Variants in INPP5K observed in about 807,000 individuals in gnomAD.
INPP5K encodes the protein inositol polyphosphate 5-phosphatase K.
In INPP5K, 35 loss-of-function variants were observed where a neutral mutation model predicts 53.5. That is an observed-to-expected ratio of 0.65 (90% CI 0.50 to 0.87). The LOEUF is 0.87. Ranked by LOEUF, INPP5K falls within the 40% of genes least tolerant of loss-of-function variation. The pLI is 0.00. For missense variants in INPP5K, 550 were observed against 586.2 expected (o/e 0.94, Z 0.64); for synonymous variants, 253 against 232.8 (o/e 1.09, Z -0.79).
At chr17:1,504,466 G>A (rs2075107178) in intron 7 of INPP5K, among the ~76,000 whole-genome samples, 1 of 152,242 alleles carries the variant, frequency 6.6e-6, no homozygotes, top group African/African-American at 2.4e-5. Context: ...CCTGGATCCT[G>A]GCCCCAGCCA....
intron 7 of INPP5K, among the ~76,000 whole-genome samples, chr17:1,502,152 A>G (rs539608700): frequency 9.9e-5 from 15 of 151,872 alleles, no homozygotes; most frequent in African/African-American, 2.2e-4. Context: ...CATGGAGACC[A>G]TCCTGGCTAA....
Position 1,496,135 on chromosome 17 carries a change from G to A in INPP5K, c.1215C>T (p.Thr405=), listed in dbSNP as rs149432814. 9.3e-5 allele frequency: 150 copies of A among 1,612,874 alleles called. No homozygotes were observed. In the African/African-American group the frequency reaches 1.9e-3, roughly 20 times the overall value. The change falls in exon 11 of 12, where the codon ACC becomes ACT. Residue 405 remains threonine (T), a synonymous_variant. Transcript: ENST00000421807. ...QVYIDISNIP[T]TEDEFLLCYY... is the part of the protein sequence containing the mutation. Reference sequence around the variant, plus strand: ...AACAGAGGAGAAACTCATCTTCAGTGGTAGGGATATTGCTGATGTCGATGT... The same window carrying A: ...AACAGAGGAGAAACTCATCTTCAGTAGTAGGGATATTGCTGATGTCGATGT...
rs551369330 is a variant in INPP5K, at chr17:1,515,484, C to G, written c.44+972G>C. 6 of 985,426 alleles carry G rather than the reference C, an allele frequency of 6.1e-6. No individual in the cohort carries two copies. The African/African-American group carries it at 7.0e-5, about 11-fold the overall frequency. The allele number at this position is 985,426 out of a possible 1,614,324, so 61.0% of individuals were successfully genotyped here. A position where few individuals can be genotyped will look rare whatever the true frequency, so the allele number is the denominator to read the frequency against. On this transcript the variant is annotated intron_variant, in intron 1 of 11. Transcript: ENST00000421807. ...GCTCTTCAAGAAGCCTCAGACTGTG[C>G]GGAGCACAGAGCGGGCAGGAGCTAC... is the stretch of plus-strand genomic sequence containing the variant.
At chr17:1,497,351 G>T (rs2074882729) in intron 8 of INPP5K, among the ~76,000 whole-genome samples, 1 of 152,156 alleles carries the variant, frequency 6.6e-6, no homozygotes, top group African/African-American at 2.4e-5. Flanking sequence ...TGCACCTGTA[G>T]TCCCGCTACT....
At chr17:1,505,920 G>A (rs950579911) in intron 7 of INPP5K, among the ~76,000 whole-genome samples, 4 of 152,228 alleles carry the variant, frequency 2.6e-5, no homozygotes, top group Non-Finnish European at 5.9e-5. Context: ...TCAGGGACAT[G>A]TTGCCAGTGG....
At chr17:1,505,190 A>G (rs944180609) in intron 7 of INPP5K, among the ~76,000 whole-genome samples, 22 of 152,100 alleles carry the variant, frequency 1.4e-4, no homozygotes, top group Admixed American at 6.5e-4. Context: ...CAGTGAGTCA[A>G]TCTCAGCTCA....
intron 7 of INPP5K, among the ~76,000 whole-genome samples, chr17:1,501,201 G>A (rs1018610647): frequency 4.0e-5 from 6 of 151,876 alleles, no homozygotes; most frequent in Non-Finnish European, 7.4e-5. Context: ...CTTGTGATCC[G>A]CCCGCCTCGG....
At position 1,496,690 on chromosome 17, in the gene INPP5K, C is replaced by A; in HGVS notation, c.1077G>T (p.Pro359=). 6.2e-7 allele frequency: 1 copy of A among 1,614,204 alleles called. No homozygotes were observed. ...CCTTGTACAGTCCAATCCAGTCCCA[C>A]GGGCTGCTGGGGAAGTCCGAGGTTG... is the stretch of plus-strand genomic sequence containing the variant. The part of the protein sequence containing the change: ...YSSTSDFPSS[P]WDWIGLYKVG... Residue 359 remains proline, a synonymous_variant, in exon 9 of 12, where the codon CCG becomes CCT. Transcript: ENST00000421807.
chr17:1,499,508 C>G (rs993930926), intron 7 of INPP5K, among the ~76,000 whole-genome samples: 5 of 152,112 alleles, frequency 3.3e-5, no homozygotes, highest in African/African-American at 1.2e-4. Flanking sequence ...AAAAAGGAGT[C>G]GACTGAGAGA....
chr17:1,505,657 T>G (rs1462244728), intron 7 of INPP5K, among the ~76,000 whole-genome samples: 1 of 152,178 alleles, frequency 6.6e-6, no homozygotes, highest in Non-Finnish European at 1.5e-5. Flanking sequence ...GACAAGGATA[T>G]TTTGGCTTTG....
chr17:1,510,251 C>G (rs1223959116), intron 3 of INPP5K, among the ~76,000 whole-genome samples: 1 of 152,118 alleles, frequency 6.6e-6, no homozygotes, highest in African/African-American at 2.4e-5. Flanking sequence ...GAGTCTCGCT[C>G]TGTCGCCCAG....
rs546906350 is a variant in INPP5K at position 1,515,291 on chromosome 17, A to G, written c.44+1165T>C. On this transcript the variant is annotated intron_variant, in intron 1 of 11. Transcript: ENST00000421807. ...TCTGCGTAGTATTCCGTGAAAAATAAAGAGTACTCTCTGGGGAAAAGTCAT... is the reference window on the plus strand; with the variant it reads ...TCTGCGTAGTATTCCGTGAAAAATAGAGAGTACTCTCTGGGGAAAAGTCAT... 6.9e-5 allele frequency: 18 copies of G among 260,862 alleles called. No individual in the cohort carries two copies. The East Asian group carries it at 2.7e-3, about 38-fold the overall frequency. 16.2% of individuals were successfully genotyped at this position (260,862 alleles called of 1,614,324 possible).
intron 5 of INPP5K, chr17:1,508,531 C>G (rs1468039613): frequency 2.6e-6 from 1 of 391,694 alleles, no homozygotes; most frequent in Non-Finnish European, 4.8e-6. Context: ...CCTCAGGAGC[C>G]ACAAGGTCCT....
At position 1,509,652 on chromosome 17, in the gene INPP5K, C is replaced by T. The variant is rs752425272; in HGVS notation, c.378+31G>A. The T allele has an allele frequency of 2.9e-6, 4 of 1,396,680 alleles. No individual in the cohort carries two copies. In the South Asian group the frequency reaches 4.6e-5, roughly 16 times the overall value. The allele number at this position is 1,396,680 out of a possible 1,614,324, so 86.5% of individuals were successfully genotyped here. The stretch of plus-strand genomic sequence containing the variant: ...CTCCACAGTTCCCAGCCCTTCCCAG[C>T]TCACGACTCAGACAATAGCTCAGTC... On this transcript the variant is annotated intron_variant, in intron 4 of 11. Transcript: ENST00000421807.
intron 10 of INPP5K, 58 bp from the exon 11 acceptor site, chr17:1,496,222 C>T (rs1447061709): frequency 6.6e-7 from 1 of 1,518,816 alleles, no homozygotes; most frequent in Non-Finnish European, 9.1e-7. Flanking sequence ...CCACCCAGCT[C>T]TGAGTGACAA....
chr17:1,515,940 CG>C, intron 1 of INPP5K: 1 of 987,818 alleles, frequency 1.0e-6, no homozygotes, highest in Non-Finnish European at 1.2e-6. Flanking sequence ...CTCTCAAATC[CG>C]ACGATTAGCA....
At position 1,495,615 on chromosome 17, in the gene INPP5K, C is replaced by T. The variant is rs2074808926; in HGVS notation, c.*208G>A. ...GCTGGTTTCACTCACATCTCAGCAA[C>T]AAAAACCTGTATTTAAGCGGCTAAT... On this transcript the variant is annotated 3_prime_UTR_variant, in exon 12 of 12. Transcript: ENST00000421807. 9.0e-6 allele frequency: 5 copies of T among 557,768 alleles called. No individual in the cohort carries two copies. In the East Asian group the frequency reaches 9.0e-5, roughly 10 times the overall value. The allele number at this position is 557,768 out of a possible 1,614,324, so 34.6% of individuals were successfully genotyped here.
rs779061835 is a variant in INPP5K at position 1,497,974 on chromosome 17, T to C, written c.925A>G (p.Ser309Gly). ...GTGCCGGAGACAGGCTTGTGGTCGC[T>C]GATGCCGTACGTCATGTGGCTGCTG... ...GYSSHMTYGI[S>G]DHKPVSGTFD... Residue 309 changes from serine (S) to glycine (G), a missense_variant, in exon 8 of 12, where the codon AGC (serine) becomes GGC (glycine). Ser to Gly is a moderately conservative substitution (Grantham distance 56). Transcript: ENST00000421807. The C allele has an allele frequency of 1.2e-6, 2 of 1,614,082 alleles. No individual in the cohort carries two copies. The highest frequency in any genetic ancestry group is 1.7e-5 in the Admixed American group (1 of 60,018).
chr17:1,514,118 T>A (rs1164280980), intron 1 of INPP5K, 139 bp from the exon 2 acceptor site: 1 of 477,850 alleles, frequency 2.1e-6, no homozygotes, highest in Non-Finnish European at 3.8e-6. Context: ...AGGTCGGGAG[T>A]TCGAGACAAG....
Sources: allele counts gnomAD v4.1 joint callset (sites outside exome capture counted in the v4.1 genomes callset), GRCh38; gene constraint gnomAD v4.1.1; transcripts MANE v1.5; gene names NCBI Gene and HGNC (gene_info 2026-07-23, HGNC 2026-07-21).